UBAP1: variants seen among roughly 807,000 people sequenced by gnomAD.
UBAP1 encodes the protein ubiquitin-associated protein 1.
A neutral mutation model predicts 39.0 loss-of-function variants in UBAP1; 5 were observed. That is an observed-to-expected ratio of 0.13 (90% CI 0.07 to 0.27). UBAP1 has a LOEUF of 0.27. Among genes scored for constraint, UBAP1 ranks in the 10% least tolerant of loss-of-function variants. The pLI, the probability that UBAP1 is intolerant of heterozygous loss-of-function variation, is 1.00. For synonymous variants in UBAP1, 211 were observed against 225.1 expected (o/e 0.94, Z 0.56); for missense variants, 490 against 608.1 (o/e 0.81, Z 2.04).
chr9:34,182,979 C>T (rs1032429992), intron 1 of UBAP1, among the ~76,000 whole-genome samples: 24 of 151,734 alleles, frequency 1.6e-4, no homozygotes, highest in African/African-American at 5.6e-4. Flanking sequence ...GAGGTTTCAC[C>T]GTGTTAGCCA....
At chr9:34,197,311 AT>A (rs1298211927) in intron 1 of UBAP1, among the ~76,000 whole-genome samples, 7 of 146,412 alleles carry the variant, frequency 4.8e-5, no homozygotes, top group Middle Eastern at 3.7e-3. Flanking sequence ...TTTTATTAAA[AT>A]TTTTTTTTTC....
intron 2 of UBAP1, among the ~76,000 whole-genome samples, chr9:34,231,505 G>A (rs1028316508): frequency 1.4e-4 from 21 of 152,022 alleles, no homozygotes; most frequent in Non-Finnish European, 2.2e-4. Flanking sequence ...CACCGGTCCC[G>A]GCCAAAAGCA....
At chr9:34,246,729 T>G (rs1280448397) in intron 4 of UBAP1, among the ~76,000 whole-genome samples, 1 of 152,170 alleles carries the variant, frequency 6.6e-6, no homozygotes, top group Non-Finnish European at 1.5e-5. Context: ...TGTCTTGAGG[T>G]TAGGCTTGAG....
At chr9:34,232,875 T>C (rs1242664784) in intron 2 of UBAP1, among the ~76,000 whole-genome samples, 3 of 152,240 alleles carry the variant, frequency 2.0e-5, no homozygotes, top group Non-Finnish European at 4.4e-5. Flanking sequence ...TTGTCCACAA[T>C]GGTTCTGCCT....
intron 1 of UBAP1, 32 bp downstream of exon 1, chr9:34,179,272 A>G: frequency 8.8e-6 from 1 of 113,172 alleles, no homozygotes; most frequent in Non-Finnish European, 1.2e-5. Flanking sequence ...GGGAGGGGGA[A>G]GAGGGGCGGA....
At chr9:34,191,345 C>T (rs905042057) in intron 1 of UBAP1, among the ~76,000 whole-genome samples, 4 of 152,154 alleles carry the variant, frequency 2.6e-5, no homozygotes, top group African/African-American at 4.8e-5. Flanking sequence ...AGTCTTCCCA[C>T]CTTGGCCTCC....
chr9:34,207,613 GTA>G (rs1831783723), intron 1 of UBAP1, among the ~76,000 whole-genome samples: 1 of 150,326 alleles, frequency 6.7e-6, no homozygotes, highest in Non-Finnish European at 1.5e-5. Context: ...AACTGCTGTG[GTA>G]TATTGGTATG....
chr9:34,194,639 T>G (rs1395022036), intron 1 of UBAP1, among the ~76,000 whole-genome samples: 1 of 152,174 alleles, frequency 6.6e-6, no homozygotes, highest in Non-Finnish European at 1.5e-5. Context: ...TAAGCCACCA[T>G]TGGAAATATC....
At chr9:34,189,463 A>G (rs1464007348) in intron 1 of UBAP1, among the ~76,000 whole-genome samples, 1 of 152,108 alleles carries the variant, frequency 6.6e-6, no homozygotes, top group Non-Finnish European at 1.5e-5. Flanking sequence ...TGCTGGGATT[A>G]CAGGCATGAG....
At chr9:34,202,324 G>A (rs369799744) in intron 1 of UBAP1, among the ~76,000 whole-genome samples, 4 of 152,020 alleles carry the variant, frequency 2.6e-5, no homozygotes, top group African/African-American at 9.7e-5. Flanking sequence ...TAGAGATGGG[G>A]TTTTACCATG....
chr9:34,213,429 T>G (rs1306476448), intron 1 of UBAP1, among the ~76,000 whole-genome samples: 1 of 152,084 alleles, frequency 6.6e-6, no homozygotes, highest in Non-Finnish European at 1.5e-5. Context: ...GAGAATCGCT[T>G]GAACCCAGGA....
intron 1 of UBAP1, among the ~76,000 whole-genome samples, chr9:34,192,048 T>G (rs1047821364): frequency 1.3e-5 from 2 of 151,622 alleles, no homozygotes; most frequent in African/African-American, 4.8e-5. Flanking sequence ...TTTGCTGTGT[T>G]GCCCAGGTTA....
At chr9:34,182,566 A>G (rs1830101955) in intron 1 of UBAP1, among the ~76,000 whole-genome samples, 1 of 151,630 alleles carries the variant, frequency 6.6e-6, no homozygotes, top group Non-Finnish European at 1.5e-5. Flanking sequence ...CTTGAGTGTA[A>G]ATGCCAATAT....
chr9:34,214,116 AT>A (rs1832167289), intron 1 of UBAP1, among the ~76,000 whole-genome samples: 1 of 151,834 alleles, frequency 6.6e-6, no homozygotes, highest in South Asian at 2.1e-4. Context: ...TACAAATTCA[AT>A]GTAATCCCCA....
In UBAP1 at chr9:34,212,889, C is replaced by T. The variant is rs1403885908; in HGVS notation, c.-7-8019C>T. On this transcript the variant is annotated intron_variant, in intron 1 of 6. Transcript: ENST00000297661. Reference sequence around the variant, plus strand: ...TCACCCTACCAAAACCAGGAAAGGACATAACCAAAAAAGAAAACTACAGAC... The same window carrying T: ...TCACCCTACCAAAACCAGGAAAGGATATAACCAAAAAAGAAAACTACAGAC... Among the ~76,000 whole-genome samples the T allele has an allele frequency of 2.6e-5, 4 of 152,170 alleles. No homozygotes were observed. In the East Asian group the frequency reaches 7.7e-4, roughly 29 times the overall value.
In UBAP1 at chr9:34,185,315, A is replaced by AGGCG. The variant is rs1013233830; in HGVS notation, c.-8+6081_-8+6084dup. 4.8e-4 allele frequency among the ~76,000 whole-genome samples: 73 copies of AGGCG among 152,276 alleles called. 2 individuals are homozygous for AGGCG. Among genetic ancestry groups the AGGCG allele is most frequent in the Admixed American group, 4.3e-3 (66 of 15,292 alleles). ...GTAGTCCCAGCAGTTTGGGAATCCCAGGCGGGCGGATTGCTTGAGCCCAGA... is the reference window on the plus strand; with the variant it reads ...GTAGTCCCAGCAGTTTGGGAATCCCAGGCGGGCGGGCGGATTGCTTGAGCCCAGA... On this transcript the variant is annotated intron_variant, in intron 1 of 6. Transcript: ENST00000297661.
At position 34,189,484 on chromosome 9, in the gene UBAP1, C is replaced by T. The variant is rs141883219; in HGVS notation, c.-8+10244C>T. Among the ~76,000 whole-genome samples, 335 of 149,926 alleles carry T rather than the reference C, an allele frequency of 2.2e-3. 2 individuals carry two copies. The highest frequency in any genetic ancestry group is 7.8e-3 in the African/African-American group (320 of 40,766). On this transcript the variant is annotated intron_variant, in intron 1 of 6. Transcript: ENST00000297661. The stretch of plus-strand genomic sequence containing the variant: ...GATTACAGGCATGAGCCACCGCACC[C>T]GGCCGATCATTATGTCTTATAGGAT...
At chr9:34,227,636 C>T (rs1040679362) in intron 2 of UBAP1, among the ~76,000 whole-genome samples, 11 of 152,144 alleles carry the variant, frequency 7.2e-5, no homozygotes, top group Admixed American at 2.6e-4. Flanking sequence ...CATATTCAGC[C>T]CACTCACTAT....
At chr9:34,231,540 C>T (rs1833416823) in intron 2 of UBAP1, among the ~76,000 whole-genome samples, 1 of 151,532 alleles carries the variant, frequency 6.6e-6, no homozygotes, top group South Asian at 2.1e-4. Context: ...GTTCTTCATT[C>T]ATTGAACAAA....
Sources: gnomAD v4.1 joint callset for allele counts (sites outside exome capture counted in the v4.1 genomes callset) on GRCh38, gnomAD v4.1.1 for gene constraint, MANE v1.5 for transcripts, NCBI Gene and HGNC (gene_info 2026-07-23, HGNC 2026-07-21) for gene names.